Variants in IFT74 observed in about 807,000 individuals in gnomAD.
The protein encoded by IFT74 is intraflagellar transport protein 74 homolog.
A neutral mutation model predicts 96.7 loss-of-function variants in IFT74; 92 were observed. The observed-to-expected ratio is 0.95, with a 90% CI of 0.80 to 1.13. The LOEUF is 1.13. IFT74 is among the 50% of genes most tolerant of loss of function. IFT74 has a pLI of 0.00. For synonymous variants in IFT74, 223 were observed against 213.2 expected, an observed-to-expected ratio of 1.05 and a Z score of -0.40; for missense variants, 811 against 698.2, an observed-to-expected ratio of 1.16 and a Z score of -1.82.
At position 26,970,949 on chromosome 9, in the gene IFT74, G is replaced by A. The variant is rs369255627; in HGVS notation, c.121-7179G>A. ...TTGGTTCATTCTTTCTACTCTTCCTGAAGAGGGTGGATGCCAAGGGATATG... is the reference window on the plus strand; with the variant it reads ...TTGGTTCATTCTTTCTACTCTTCCTAAAGAGGGTGGATGCCAAGGGATATG... On this transcript the variant is annotated intron_variant, in intron 2 of 19. Transcript: ENST00000380062. Among the ~76,000 whole-genome samples the A allele has an allele frequency of 2.6e-5, 4 of 152,300 alleles. No homozygotes were observed. In the East Asian group the frequency reaches 7.7e-4, roughly 29 times the overall value.
At chr9:26,986,491 A>G (rs748234308) in intron 6 of IFT74, among the ~76,000 whole-genome samples, 1 of 150,316 alleles carries the variant, frequency 6.7e-6, no homozygotes. Flanking sequence ...AATTTTTTGT[A>G]TTTTTTGTTG....
At chr9:27,028,909 A>G (rs1486502930) in intron 12 of IFT74, 116 bp from the exon 13 acceptor site, 30 of 874,350 alleles carry the variant, frequency 3.4e-5, no homozygotes, top group South Asian at 2.1e-4. Flanking sequence ...AGAATAAGAC[A>G]TATTATTTTT....
At chr9:26,963,159 C>G (rs1353528083) in intron 2 of IFT74, among the ~76,000 whole-genome samples, 3 of 151,706 alleles carry the variant, frequency 2.0e-5, no homozygotes, top group African/African-American at 7.3e-5. Context: ...CTTCCTGTGT[C>G]CATGTGATCT....
chr9:26,992,403 C>A (rs1827925719), intron 8 of IFT74, among the ~76,000 whole-genome samples: 1 of 152,024 alleles, frequency 6.6e-6, no homozygotes, highest in Non-Finnish European at 1.5e-5. Context: ...AAATTAAGAA[C>A]AACAATTGGC....
intron 8 of IFT74, chr9:26,997,766 T>G: frequency 6.2e-7 from 1 of 1,611,208 alleles, no homozygotes; most frequent in Non-Finnish European, 8.5e-7. Flanking sequence ...GTTCTGCAAA[T>G]TAAATAGACT....
chr9:26,992,089 A>G (rs1402421666), intron 8 of IFT74, among the ~76,000 whole-genome samples: 1 of 152,140 alleles, frequency 6.6e-6, no homozygotes, highest in African/African-American at 2.4e-5. Flanking sequence ...GGCCTTAAAG[A>G]GTTTAGAACA....
chr9:27,044,625 C>T (rs943895539), intron 13 of IFT74, 117 bp from the exon 14 acceptor site: 12 of 591,592 alleles, frequency 2.0e-5, no homozygotes, highest in Non-Finnish European at 3.0e-5. Context: ...TTCACCTAAT[C>T]GAACACGTCG....
At chr9:26,960,526 C>T (rs1271304745) in intron 1 of IFT74, among the ~76,000 whole-genome samples, 1 of 152,116 alleles carries the variant, frequency 6.6e-6, no homozygotes, top group Non-Finnish European at 1.5e-5. Context: ...GTATCTTGGT[C>T]ATAACCTACA....
Position 26,964,110 on chromosome 9 carries a change from G to A in IFT74, c.120+2023G>A, listed in dbSNP as rs1172505161. Among the ~76,000 whole-genome samples, 5 of 136,702 alleles carry A rather than the reference G, an allele frequency of 3.7e-5. No homozygotes were observed. The East Asian group carries it at 8.4e-4, about 23-fold the overall frequency. The allele number at this position is 136,702 out of a possible 152,430, so 89.7% of individuals were successfully genotyped here. On this transcript the variant is annotated intron_variant, in intron 2 of 19. Coordinates refer to ENST00000380062, the MANE Select transcript of IFT74 (RefSeq NM_025103.4). ...TTATGGTTTTAGGTCTAACGTTTAAGTCTTTAATCCATCTTGAATTGATTT... is the reference window on the plus strand; with the variant it reads ...TTATGGTTTTAGGTCTAACGTTTAAATCTTTAATCCATCTTGAATTGATTT...
Position 27,064,593 on chromosome 9 carries a change from A to G in IFT74, c.*1857A>G, listed in dbSNP as rs1456605527. On this transcript the variant is annotated 3_prime_UTR_variant, in exon 20 of 20. Coordinates refer to ENST00000380062, the MANE Select transcript of IFT74 (RefSeq NM_025103.4). The stretch of plus-strand genomic sequence containing the variant: ...TATGATTGAGCATAGAGTTTAGGCA[A>G]GAGAACTGACTACTATGGTCTCTTA... Among the ~76,000 whole-genome samples, 3 of 152,152 alleles carry G rather than the reference A, an allele frequency of 2.0e-5. No individual in the cohort carries two copies. Among genetic ancestry groups the G allele is most frequent in the Non-Finnish European group, 4.4e-5 (3 of 67,982 alleles).
At chr9:26,970,617 A>G (rs556842751) in intron 2 of IFT74, among the ~76,000 whole-genome samples, 6 of 152,368 alleles carry the variant, frequency 3.9e-5, no homozygotes, top group South Asian at 2.1e-4. Flanking sequence ...GCATAAAGCC[A>G]AAGAAGAAAT....
chr9:27,020,468 CTT>C (rs869187412), intron 12 of IFT74, among the ~76,000 whole-genome samples: 1 of 133,492 alleles, frequency 7.5e-6, no homozygotes. Context: ...TTTTTTATTT[CTT>C]TTTTTTTTTT....
chr9:27,003,671 A>G (rs1434550728), intron 8 of IFT74, among the ~76,000 whole-genome samples: 1 of 152,180 alleles, frequency 6.6e-6, no homozygotes, highest in East Asian at 1.9e-4. Context: ...TTGTTGATCC[A>G]TTTATGCACA....
At chr9:26,972,145 C>T (rs980023425) in intron 2 of IFT74, among the ~76,000 whole-genome samples, 2 of 152,094 alleles carry the variant, frequency 1.3e-5, no homozygotes, top group South Asian at 4.1e-4. Context: ...TTTAGATCCC[C>T]TGTTAAGAAA....
intron 13 of IFT74, chr9:27,036,922 A>G: frequency 2.7e-6 from 2 of 731,730 alleles, no homozygotes; most frequent in Non-Finnish European, 3.3e-6. Flanking sequence ...TCATGATAAA[A>G]TGCTTGCAGA....
intron 8 of IFT74, among the ~76,000 whole-genome samples, chr9:27,006,326 A>G (rs1366525962): frequency 2.0e-5 from 3 of 152,202 alleles, no homozygotes; most frequent in Non-Finnish European, 2.9e-5. Context: ...GGTCAGGTGC[A>G]GAGTCTGACA....
chr9:26,969,018 T>C (rs1587254179), intron 2 of IFT74, among the ~76,000 whole-genome samples: 1 of 152,172 alleles, frequency 6.6e-6, no homozygotes, highest in African/African-American at 2.4e-5. Context: ...TATTTTGTTT[T>C]TCTACTTTTT....
chr9:26,961,828 G>C (rs1056732507), intron 1 of IFT74, 121 bp from the exon 2 acceptor site: 2 of 958,962 alleles, frequency 2.1e-6, no homozygotes, highest in African/African-American at 1.6e-5. Context: ...CCTTGTAGTG[G>C]TACACAGAAC....
intron 1 of IFT74, among the ~76,000 whole-genome samples, chr9:26,956,814 C>G (rs1418140384): frequency 2.6e-5 from 4 of 152,238 alleles, no homozygotes; most frequent in African/African-American, 9.6e-5. Flanking sequence ...ATTTCTGCCT[C>G]TTACAGTGGA....
Sources: allele counts gnomAD v4.1 joint callset (sites outside exome capture counted in the v4.1 genomes callset), GRCh38; gene constraint gnomAD v4.1.1; transcripts MANE v1.5; gene names NCBI Gene and HGNC (gene_info 2026-07-23, HGNC 2026-07-21).